Variants in ZNF730 observed in about 807,000 individuals in gnomAD.
The protein encoded by ZNF730 is zinc finger protein 730.
ZNF730 carries 12 observed loss-of-function variants against 12.6 expected under a neutral mutation model. The ratio of observed to expected loss-of-function variants is 0.95; its 90% CI spans 0.61 to 1.54. The LOEUF is 1.54. ZNF730 is among the 40% of genes most tolerant of loss of function. The pLI is 0.00. For synonymous variants in ZNF730, 194 were observed against 195.8 expected (o/e 0.99, Z 0.08); for missense variants, 643 against 583.5 (o/e 1.10, Z -1.05).
chr19:23,099,307 C>G (rs1451543681), intron 1 of ZNF730, among the ~76,000 whole-genome samples: 1 of 152,026 alleles, frequency 6.6e-6, no homozygotes, highest in African/African-American at 2.4e-5. Flanking sequence ...ATCATAGGTC[C>G]ATAGCACCAC....
rs751919944 is a variant in ZNF730, at chr19:23,145,353, T to C, written c.309T>C (p.Tyr103=). ...DYFQEVILRQ[Y]KKCRHENLLL... is the part of the protein sequence containing the mutation. Reference sequence around the variant, plus strand: ...TCCAAGAAGTCATACTGAGACAATATAAAAAATGTAGACATGAGAATTTAC... The same window carrying C: ...TCCAAGAAGTCATACTGAGACAATACAAAAAATGTAGACATGAGAATTTAC... The change falls in exon 4 of 4, where the codon TAT becomes TAC. Residue 103 remains tyrosine, a synonymous_variant. Coordinates refer to ENST00000597761, the MANE Select transcript of ZNF730 (RefSeq NM_001277403.2). 4.4e-6 allele frequency: 7 copies of C among 1,595,742 alleles called. No individual in the cohort carries two copies. The highest frequency in any genetic ancestry group is 1.1e-5 in the South Asian group (1 of 88,816).
intron 1 of ZNF730, among the ~76,000 whole-genome samples, chr19:23,083,359 G>A (rs1213194890): frequency 1.3e-5 from 2 of 152,132 alleles, no homozygotes; most frequent in African/African-American, 4.8e-5. Flanking sequence ...GGGAGGGGGA[G>A]GTTGCAGTGA....
chr19:23,082,047 T>C (rs890382135), intron 1 of ZNF730, among the ~76,000 whole-genome samples: 1 of 152,178 alleles, frequency 6.6e-6, no homozygotes, highest in Non-Finnish European at 1.5e-5. Flanking sequence ...CACCTGGACT[T>C]TGCTAACTAT....
intron 1 of ZNF730, among the ~76,000 whole-genome samples, chr19:23,083,749 C>A (rs1970009499): frequency 6.6e-6 from 1 of 151,954 alleles, no homozygotes; most frequent in Admixed American, 6.6e-5. Context: ...CTGTTAAGAT[C>A]TACATATTTT....
At chr19:23,078,677 C>G (rs527310562) in intron 1 of ZNF730, among the ~76,000 whole-genome samples, 93 of 152,340 alleles carry the variant, frequency 6.1e-4, no homozygotes, top group Non-Finnish European at 1.2e-3. Context: ...TTTCTCTATA[C>G]TTTGTCTCTG....
chr19:23,079,302 C>T (rs769187216), intron 1 of ZNF730, among the ~76,000 whole-genome samples: 7 of 152,106 alleles, frequency 4.6e-5, no homozygotes, highest in Non-Finnish European at 1.0e-4. Flanking sequence ...GGATTACAGG[C>T]ATGCGCCACC....
At chr19:23,134,526 G>A (rs1209253509) in intron 2 of ZNF730, among the ~76,000 whole-genome samples, 26 of 137,704 alleles carry the variant, frequency 1.9e-4, no homozygotes, top group Middle Eastern at 4.7e-3. Context: ...GGTGAGGGGC[G>A]CCTCTGCCCG....
upstream of ZNF730, among the ~76,000 whole-genome samples, chr19:23,114,689 C>T (rs967101056): frequency 3.3e-5 from 5 of 152,014 alleles, no homozygotes; most frequent in Admixed American, 1.3e-4. Flanking sequence ...CAAATGTATT[C>T]TCTGATCAAA....
intron 1 of ZNF730, among the ~76,000 whole-genome samples, 181 bp downstream of exon 1, chr19:23,117,357 G>C (rs1304044164): frequency 6.6e-6 from 1 of 152,138 alleles, no homozygotes; most frequent in Non-Finnish European, 1.5e-5. Context: ...GACAGCCGGG[G>C]CCCCGGCGTC....
At chr19:23,095,302 A>G (rs1970230063) in intron 1 of ZNF730, 1 of 398,386 alleles carries the variant, frequency 2.5e-6, no homozygotes, top group Admixed American at 4.4e-5. Context: ...CACGTACGTT[A>G]TGTGACTCTC....
Position 23,145,394 on chromosome 19 carries a change from G to T in ZNF730, c.350G>T (p.Cys117Phe). The T allele has an allele frequency of 1.3e-6, 2 of 1,589,948 alleles. No homozygotes were observed. The highest frequency in any genetic ancestry group is 4.6e-5 in the East Asian group (2 of 43,742). The change falls in exon 4 of 4, where the codon TGT becomes TTT. Residue 117 changes from cysteine to phenylalanine, a missense_variant. Cys to Phe is a radical substitution (Grantham distance 205, BLOSUM62 -2). Transcript: ENST00000597761. ...GAGAATTTACTGTTAAGAAAAGGCT[G>T]TAAAAATGTGGATGAGTTTAAGATG... is the stretch of plus-strand genomic sequence containing the variant. The part of the protein sequence containing the change: ...RHENLLLRKG[C>F]KNVDEFKMHK...
At chr19:23,133,831 TCTTA>T (rs34281029) in intron 1 of ZNF730, among the ~76,000 whole-genome samples, 86,637 of 151,720 alleles carry the variant, frequency 0.57, 26,533 homozygotes, top group South Asian at 0.73. Flanking sequence ...AGTGTTCATG[TCTTA>T]CTTCATCATC....
At chr19:23,114,497 A>G (rs1599586015), upstream of ZNF730, among the ~76,000 whole-genome samples, 2 of 120,142 alleles carry the variant, frequency 1.7e-5, no homozygotes, top group Non-Finnish European at 3.6e-5. Context: ...ATTTATTTTT[A>G]TTTTTATTTT....
intron 1 of ZNF730, among the ~76,000 whole-genome samples, chr19:23,107,850 C>T (rs1212355601): frequency 6.6e-6 from 1 of 152,162 alleles, no homozygotes. Context: ...TTGGGTGAAA[C>T]TGTAGGTCTT....
chr19:23,123,571 CCAT>C (rs1350245171), intron 1 of ZNF730: 1 of 148,314 alleles, frequency 6.7e-6, no homozygotes, highest in Non-Finnish European at 1.5e-5. Context: ...CTCCAAGACT[CCAT>C]CTCAAAAAAA....
At chr19:23,127,635 T>G (rs1254280422) in intron 1 of ZNF730, 3 of 1,102,242 alleles carry the variant, frequency 2.7e-6, no homozygotes, top group Middle Eastern at 2.7e-4. Flanking sequence ...GGCAATAAAC[T>G]CTTTGTGTGA....
intron 1 of ZNF730, among the ~76,000 whole-genome samples, chr19:23,111,225 A>G (rs1970457733): frequency 6.6e-6 from 1 of 152,232 alleles, no homozygotes; most frequent in Non-Finnish European, 1.5e-5. Flanking sequence ...TAATCCCAAT[A>G]AGACAATCAA....
At chr19:23,137,180 A>G (rs1970846722) in intron 3 of ZNF730, among the ~76,000 whole-genome samples, 3 of 152,242 alleles carry the variant, frequency 2.0e-5, no homozygotes, top group African/African-American at 7.2e-5. Flanking sequence ...AAAAATAAAA[A>G]TTAAAAATAA....
chr19:23,139,236 T>A (rs189241504), intron 3 of ZNF730, among the ~76,000 whole-genome samples: 6,941 of 148,430 alleles, frequency 0.047, 187 homozygotes, highest in East Asian at 0.11. Context: ...AAAAATATAT[T>A]TTTTTTTCTT....
Sources: allele counts gnomAD v4.1 joint callset (sites outside exome capture counted in the v4.1 genomes callset), GRCh38; gene constraint gnomAD v4.1.1; transcripts MANE v1.5; gene names NCBI Gene and HGNC (gene_info 2026-07-23, HGNC 2026-07-21).